The following MAMLD1 variants were observed in gnomAD, a reference collection of about 807,000 sequenced individuals.
The protein encoded by MAMLD1 is mastermind-like domain-containing protein 1.
Under a neutral mutation model 45.0 loss-of-function variants are expected in MAMLD1, and 14 were observed. The observed-to-expected ratio is 0.31, with a 90% CI of 0.21 to 0.49. MAMLD1 has a LOEUF of 0.49. MAMLD1 is among the 20% of genes least tolerant of loss of function. MAMLD1 has a pLI of 0.99. For missense variants in MAMLD1, 543 were observed against 603.6 expected, an observed-to-expected ratio of 0.90 and a Z score of 1.05; for synonymous variants, 254 against 247.8, an observed-to-expected ratio of 1.02 and a Z score of -0.24.
intron 2 of MAMLD1, among the ~76,000 whole-genome samples, chrX:150,460,411 C>G (rs1254701784): frequency 8.9e-6 from 1 of 112,578 alleles, no homozygotes; most frequent in African/African-American, 3.2e-5. Flanking sequence ...GGAGTGACTA[C>G]TTCCAGAAAT....
chrX:150,502,637 C>G (rs1413957071), intron 5 of MAMLD1, among the ~76,000 whole-genome samples: 1 of 112,310 alleles, frequency 8.9e-6, no homozygotes, highest in African/African-American at 3.2e-5. Flanking sequence ...CACACAAGTC[C>G]TAAAATCTTG....
At chrX:150,392,713 T>C (rs1398344728) in intron 1 of MAMLD1, among the ~76,000 whole-genome samples, 3 of 110,870 alleles carry the variant, frequency 2.7e-5, no homozygotes, top group Non-Finnish European at 5.7e-5. Context: ...TTTTCTGTTA[T>C]TTAGGCCACC....
At chrX:150,432,444 G>A (rs186136257) in intron 1 of MAMLD1, among the ~76,000 whole-genome samples, 307 of 111,459 alleles carry the variant, frequency 2.8e-3, no homozygotes, top group African/African-American at 9.8e-3. Flanking sequence ...GTCAATTTTT[G>A]GGTTTTTTTG....
chrX:150,403,904 G>GAAAGACAGAGA (rs1239845788), intron 1 of MAMLD1, among the ~76,000 whole-genome samples: 2 of 89,380 alleles, frequency 2.2e-5, no homozygotes, highest in Non-Finnish European at 4.4e-5. Flanking sequence ...GAAAAAGAAA[G>GAAAGACAGAGA]AAGAAAGAAA....
At chrX:150,380,890 G>A (rs782516032) in intron 1 of MAMLD1, among the ~76,000 whole-genome samples, 2 of 109,345 alleles carry the variant, frequency 1.8e-5, no homozygotes, top group South Asian at 4.0e-4. Flanking sequence ...TTTGTAGAGA[G>A]TGGATATTGC....
chrX:150,367,931 T>G (rs1388759852), intron 1 of MAMLD1, among the ~76,000 whole-genome samples: 2 of 112,150 alleles, frequency 1.8e-5, no homozygotes, highest in South Asian at 3.7e-4. Context: ...GGTGTATATG[T>G]GCCACATTTT....
In MAMLD1 at chrX:150,445,575, T is replaced by G; in HGVS notation, c.59T>G (p.Val20Gly). The change falls in exon 2 of 8, where the codon GTG (valine) becomes GGG (glycine). Residue 20 changes from valine to glycine, a missense_variant. Val to Gly is a moderately radical substitution (Grantham distance 109). Coordinates refer to ENST00000370401, the MANE Select transcript of MAMLD1 (RefSeq NM_005491.5). ...IKSMLPHFAM[V>G]GNRQEPRKLQ... ...AGCATGCTTCCCCATTTCGCCATGGTGGGAAATCGTCAGGAGCCCAGAAAG... is the reference window on the plus strand; with the variant it reads ...AGCATGCTTCCCCATTTCGCCATGGGGGGAAATCGTCAGGAGCCCAGAAAG... 1.7e-6 allele frequency: 2 copies of G among 1,209,030 alleles called. No individual in the cohort carries two copies. The highest frequency in any genetic ancestry group is 2.2e-6 in the Non-Finnish European group (2 of 894,194).
Position 150,470,447 on chromosome X carries a change from G to C in MAMLD1, c.874G>C (p.Ala292Pro), listed in dbSNP as rs782789070. 1 of 1,211,850 alleles carries C rather than the reference G, an allele frequency of 8.3e-7. No individual in the cohort carries two copies. Among genetic ancestry groups the C allele is most frequent in the Non-Finnish European group, 1.1e-6 (1 of 895,565 alleles). Reference sequence around the variant, plus strand: ...CCAGGTCCAGGCCATGCTCCCTGTCGCTCTGCCCCCCTTACCAGTGCCTCA... The same window carrying C: ...CCAGGTCCAGGCCATGCTCCCTGTCCCTCTGCCCCCCTTACCAGTGCCTCA... The part of the protein sequence containing the change: ...KSQVQAMLPV[A>P]LPPLPVPQWH... Residue 292 changes from alanine to proline, a missense_variant, in exon 4 of 8, where the codon GCT (alanine) becomes CCT (proline). By Grantham distance (27) the Ala-to-Pro change is conservative. Coordinates refer to ENST00000370401, the MANE Select transcript of MAMLD1 (RefSeq NM_005491.5).
chrX:150,501,559 A>G (rs1248917020), intron 5 of MAMLD1, among the ~76,000 whole-genome samples: 1 of 112,023 alleles, frequency 8.9e-6, no homozygotes, highest in Non-Finnish European at 1.9e-5. Context: ...TGGTAAAGAA[A>G]TCCTTTTCAC....
At chrX:150,476,140 A>T (rs1377913073) in intron 5 of MAMLD1, among the ~76,000 whole-genome samples, 1 of 111,618 alleles carries the variant, frequency 9.0e-6, no homozygotes, top group Non-Finnish European at 1.9e-5. Context: ...GGAATTATTA[A>T]GGGAGGGATC....
chrX:150,456,796 C>T (rs1178190909), intron 2 of MAMLD1, among the ~76,000 whole-genome samples: 12 of 112,332 alleles, frequency 1.1e-4, no homozygotes, highest in African/African-American at 3.2e-4. Context: ...GGGGAGCATA[C>T]GAGGAGCTCA....
At chrX:150,489,015 G>A (rs2037087595) in intron 5 of MAMLD1, among the ~76,000 whole-genome samples, 2 of 112,824 alleles carry the variant, frequency 1.8e-5, no homozygotes, top group Non-Finnish European at 3.7e-5. Context: ...GACTTACATT[G>A]TCTTTTTTAA....
chrX:150,487,460 T>C (rs1275058384), intron 5 of MAMLD1, among the ~76,000 whole-genome samples: 1 of 112,418 alleles, frequency 8.9e-6, no homozygotes, highest in Non-Finnish European at 1.9e-5. Flanking sequence ...CCCCATCTAC[T>C]ACAGCACAGC....
chrX:150,383,412 C>T (rs1009612118), intron 1 of MAMLD1, among the ~76,000 whole-genome samples: 2 of 111,160 alleles, frequency 1.8e-5, no homozygotes, highest in Non-Finnish European at 3.8e-5. Context: ...TCTCATTGTG[C>T]TCCTCTTTGA....
intron 1 of MAMLD1, among the ~76,000 whole-genome samples, chrX:150,425,460 C>A (rs2034671633): frequency 8.9e-6 from 1 of 112,298 alleles, no homozygotes; most frequent in Non-Finnish European, 1.9e-5. Context: ...AATTATATGC[C>A]TCACAGCTCT....
At chrX:150,497,442 C>T (rs782321698) in intron 5 of MAMLD1, among the ~76,000 whole-genome samples, 1 of 109,050 alleles carries the variant, frequency 9.2e-6, no homozygotes, top group South Asian at 4.1e-4. Context: ...CACCACCATG[C>T]CCGGCTAACT....
chrX:150,484,481 G>A (rs1395802521), intron 5 of MAMLD1, among the ~76,000 whole-genome samples: 3 of 112,047 alleles, frequency 2.7e-5, no homozygotes, highest in African/African-American at 6.5e-5. Flanking sequence ...CAGCAGAATG[G>A]GGTTGAAAGA....
intron 5 of MAMLD1, among the ~76,000 whole-genome samples, chrX:150,481,964 A>AAAAGAAAGAAAGAAAGAAAAAAAAAG (rs1557407265): frequency 7.1e-5 from 4 of 56,596 alleles, no homozygotes; most frequent in Non-Finnish European, 1.3e-4. Context: ...AAAGAAAGAA[A>AAAAGAAAGAAAGAAAGAAAAAAAAAG]AAAGAAAGAA....
chrX:150,419,668 T>C (rs1355900119), intron 1 of MAMLD1, among the ~76,000 whole-genome samples: 1 of 95,836 alleles, frequency 1.0e-5, no homozygotes, highest in Non-Finnish European at 2.1e-5. Context: ...TGCTTGTCTG[T>C]AAAGTATTTT....
Sources: allele counts gnomAD v4.1 joint callset (sites outside exome capture counted in the v4.1 genomes callset), GRCh38; gene constraint gnomAD v4.1.1; transcripts MANE v1.5; gene names NCBI Gene and HGNC (gene_info 2026-07-23, HGNC 2026-07-21).